Variants in HK1 observed in about 807,000 individuals in gnomAD.
The protein encoded by HK1 is hexokinase-1.
A neutral mutation model predicts 91.6 loss-of-function variants in HK1; 28 were observed. The ratio of observed to expected loss-of-function variants is 0.31; its 90% CI spans 0.23 to 0.42. The LOEUF is 0.42. Ranked by LOEUF, HK1 falls within the 10% of genes least tolerant of loss-of-function variation. The probability of loss-of-function intolerance (pLI) is 1.00; values close to 1 mark genes in which losing one functional copy is unlikely to be tolerated. For synonymous variants in HK1, 430 were observed against 468.1 expected, an observed-to-expected ratio of 0.92 and a Z score of 1.05; for missense variants, 770 against 1,219.8, an observed-to-expected ratio of 0.63 and a Z score of 5.49.
chr10:69,321,459 C>T (rs1847021411), intron 1 of HK1, among the ~76,000 whole-genome samples: 1 of 152,198 alleles, frequency 6.6e-6, no homozygotes. Context: ...TGGACTCTGC[C>T]TGCCTCCCAG....
intron 4 of HK1, among the ~76,000 whole-genome samples, chr10:69,298,690 T>C (rs60672065): frequency 0.022 from 3,273 of 151,824 alleles, 212 homozygotes; most frequent in African/African-American, 0.074. Flanking sequence ...GAAAATAAGA[T>C]GGCTGATAAT....
chr10:69,338,364 G>T, intron 1 of HK1: 7 of 1,190,844 alleles, frequency 5.9e-6, no homozygotes, highest in Non-Finnish European at 7.4e-6. Flanking sequence ...GGGACTGGGC[G>T]CCTTCCCATT....
intron 3 of HK1, chr10:69,292,395 A>G (rs1402406136): frequency 1.6e-5 from 7 of 442,768 alleles, no homozygotes; most frequent in African/African-American, 4.0e-5. Context: ...TATGTGAGGT[A>G]GGACAAGAAG....
chr10:69,396,192 A>G lies in HK1; in HGVS notation c.2375+1087A>G, dbSNP rs1216056236. ...GAGGCTGAGGTGGGAGGATGGCTTG[A>G]GCCCGGTGGCGGAGGTTGCAATGAG... is the stretch of plus-strand genomic sequence containing the variant. On this transcript the variant is annotated intron_variant, in intron 16 of 17. Transcript: ENST00000359426. Among the ~76,000 whole-genome samples, 4 of 150,336 alleles carry G rather than the reference A, an allele frequency of 2.7e-5. No individual in the cohort carries two copies. In the East Asian group the frequency reaches 7.8e-4, roughly 29 times the overall value.
chr10:69,320,429 G>A (rs866614064), intron 1 of HK1, among the ~76,000 whole-genome samples: 54 of 152,260 alleles, frequency 3.5e-4, no homozygotes, highest in Middle Eastern at 3.4e-3. Context: ...TTGTCAAACC[G>A]TGGCACTCGA....
At chr10:69,365,462 A>C (rs993065154) in intron 4 of HK1, among the ~76,000 whole-genome samples, 1 of 152,248 alleles carries the variant, frequency 6.6e-6, no homozygotes, top group Non-Finnish European at 1.5e-5. Context: ...TGATGATAAC[A>C]CTGAACTTCA....
intron 2 of HK1, among the ~76,000 whole-genome samples, chr10:69,359,321 A>G (rs551561868): frequency 6.6e-6 from 1 of 152,358 alleles, no homozygotes; most frequent in African/African-American, 2.4e-5. Context: ...TGGTTGCACA[A>G]CATTGTGAAT....
At chr10:69,302,620 T>C (rs918265119) in intron 5 of HK1, among the ~76,000 whole-genome samples, 4 of 151,548 alleles carry the variant, frequency 2.6e-5, no homozygotes, top group Non-Finnish European at 5.9e-5. Flanking sequence ...CTGAGAGTGG[T>C]GGGGTGCATC....
intron 4 of HK1, 135 bp from the exon 5 acceptor site, chr10:69,368,401 G>A (rs769702642): frequency 4.1e-6 from 3 of 738,590 alleles, no homozygotes; most frequent in African/African-American, 1.7e-5. Flanking sequence ...CCCTCCCCAA[G>A]CCCAGTGTGA....
chr10:69,368,483 G>A (rs553229898), intron 4 of HK1, 53 bp from the exon 5 acceptor site: 58 of 1,472,440 alleles, frequency 3.9e-5, no homozygotes, highest in Admixed American at 1.0e-4. Context: ...CAGGGCCTTG[G>A]GGTGCTGGAG....
At chr10:69,344,147 T>A (rs550398115) in intron 2 of HK1, among the ~76,000 whole-genome samples, 158 bp downstream of exon 2, 1 of 152,166 alleles carries the variant, frequency 6.6e-6, no homozygotes, top group East Asian at 1.9e-4. Flanking sequence ...ATCCATCTGC[T>A]GATCCATCCA....
intron 1 of HK1, among the ~76,000 whole-genome samples, chr10:69,277,146 G>C (rs1844514765): frequency 6.6e-6 from 1 of 152,152 alleles, no homozygotes; most frequent in African/African-American, 2.4e-5. Context: ...TAGATTCAAA[G>C]ATCCCTTTCT....
chr10:69,301,230 G>A (rs2132499649), intron 5 of HK1, among the ~76,000 whole-genome samples: 1 of 127,726 alleles, frequency 7.8e-6, no homozygotes, highest in African/African-American at 3.1e-5. Flanking sequence ...GGGTGACAGA[G>A]CAAGACTCCA....
chr10:69,309,185 CT>C lies in HK1; in HGVS notation c.27+8338del, dbSNP rs779001663. Among the ~76,000 whole-genome samples, 897 of 141,080 alleles carry C rather than the reference CT, an allele frequency of 6.4e-3. 2 individuals carry two copies. Among genetic ancestry groups the C allele is most frequent in the African/African-American group, 0.016 (620 of 38,840 alleles). The allele number at this position is 141,080 out of a possible 152,430, so 92.6% of individuals were successfully genotyped here. A position where few individuals can be genotyped will look rare whatever the true frequency, so the allele number is the denominator to read the frequency against. On this transcript the variant is annotated intron_variant, in intron 5 of 21. Coordinates refer to the HK1 transcript ENST00000360289. The stretch of plus-strand genomic sequence containing the variant: ...AAGACTTTGTCTCTTTTCTTTCTTT[CT>C]TTTTTTTTTTTTTGAGACAGAGTCT...
At chr10:69,388,739 G>A (rs1264381485) in intron 13 of HK1, among the ~76,000 whole-genome samples, 1 of 152,074 alleles carries the variant, frequency 6.6e-6, no homozygotes, top group Admixed American at 6.5e-5. Context: ...CACTTGGATT[G>A]TTTCCTCTTT....
At chr10:69,372,729 G>A (rs1850077881) in intron 7 of HK1, among the ~76,000 whole-genome samples, 1 of 152,126 alleles carries the variant, frequency 6.6e-6, no homozygotes, top group Admixed American at 6.6e-5. Flanking sequence ...ACATGTTAGA[G>A]TTACATAGCG....
chr10:69,313,648 C>T (rs975680484), upstream of HK1, among the ~76,000 whole-genome samples: 2 of 151,852 alleles, frequency 1.3e-5, no homozygotes, highest in African/African-American at 4.8e-5. Flanking sequence ...CAGGCATGTG[C>T]CACCATGCCT....
At chr10:69,363,882 G>A (rs3829183) in intron 3 of HK1, among the ~76,000 whole-genome samples, 62,207 of 152,098 alleles carry the variant, frequency 0.41, 13,729 homozygotes, top group African/African-American at 0.57. Context: ...TTAAGCTACA[G>A]TGCGGTAGAT....
chr10:69,327,000 C>CT (rs1042738695), intron 1 of HK1, among the ~76,000 whole-genome samples: 2,989 of 110,822 alleles, frequency 0.027, 67 homozygotes, highest in African/African-American at 0.038. Context: ...TGGTTTTAAA[C>CT]TTTTTTTTTT....
Sources: allele counts gnomAD v4.1 joint callset (sites outside exome capture counted in the v4.1 genomes callset), GRCh38; gene constraint gnomAD v4.1.1; transcripts MANE v1.5; gene names NCBI Gene and HGNC (gene_info 2026-07-23, HGNC 2026-07-21).